The following METAP1D variants were observed in gnomAD, a reference collection of about 807,000 sequenced individuals.
METAP1D encodes methionyl aminopeptidase type 1D, mitochondrial.
A neutral mutation model predicts 40.5 loss-of-function variants in METAP1D; 31 were observed. That is an observed-to-expected ratio of 0.77 (90% CI 0.58 to 1.03). The LOEUF (loss-of-function observed/expected upper bound fraction) is 1.03, where lower values mean the gene tolerates loss of function less well. METAP1D is among the 50% of genes least tolerant of loss of function. The probability of loss-of-function intolerance (pLI) is 0.00; values close to 1 mark genes in which losing one functional copy is unlikely to be tolerated. For missense variants in METAP1D, 411 were observed against 420.7 expected (o/e 0.98, Z 0.20); for synonymous variants, 151 against 146.4 (o/e 1.03, Z -0.22).
At chr2:172,050,444 A>G (rs547258036) in intron 1 of METAP1D, among the ~76,000 whole-genome samples, 1 of 147,130 alleles carries the variant, frequency 6.8e-6, no homozygotes, top group East Asian at 1.9e-4. Context: ...GTTTTTTTTT[A>G]AAAAACTCAT....
At chr2:172,057,916 A>G (rs978037255) in intron 1 of METAP1D, among the ~76,000 whole-genome samples, 1 of 148,000 alleles carries the variant, frequency 6.8e-6, no homozygotes, top group African/African-American at 2.5e-5. Flanking sequence ...TTTCTTTCCC[A>G]TTTTATTTTT....
intron 5 of METAP1D, among the ~76,000 whole-genome samples, chr2:172,067,071 A>T (rs1690301882): frequency 6.6e-6 from 1 of 152,314 alleles, no homozygotes; most frequent in Admixed American, 6.5e-5. Context: ...GACTTGGATT[A>T]TATGTGCTTT....
chr2:172,063,669 G>A (rs1345711914), intron 2 of METAP1D, 42 bp from the exon 3 acceptor site: 7 of 1,482,272 alleles, frequency 4.7e-6, no homozygotes, highest in Non-Finnish European at 5.6e-6. Context: ...CCATTGTCGT[G>A]CGCTGGGTTC....
chr2:172,016,577 C>T (rs1343003048), intron 1 of METAP1D, among the ~76,000 whole-genome samples: 4 of 151,638 alleles, frequency 2.6e-5, no homozygotes, highest in Non-Finnish European at 4.4e-5. Context: ...GCCAGGATGG[C>T]GCCACTGTAC....
chr2:172,078,938 C>T (rs560852460), intron 7 of METAP1D, among the ~76,000 whole-genome samples: 7 of 152,270 alleles, frequency 4.6e-5, no homozygotes, highest in South Asian at 2.1e-4. Context: ...GGAAGCCTGA[C>T]GTGTCTGAAA....
At chr2:172,051,962 C>T (rs1455227337) in intron 1 of METAP1D, among the ~76,000 whole-genome samples, 1 of 152,048 alleles carries the variant, frequency 6.6e-6, no homozygotes, top group Admixed American at 6.6e-5. Context: ...CACACATTTC[C>T]TTTTTATTTC....
chr2:172,013,192 G>C (rs745543042), intron 1 of METAP1D, among the ~76,000 whole-genome samples: 1 of 152,170 alleles, frequency 6.6e-6, no homozygotes, highest in Non-Finnish European at 1.5e-5. Context: ...TTGTGTGTGC[G>C]CTCCGGCTGT....
intron 1 of METAP1D, among the ~76,000 whole-genome samples, chr2:172,057,255 C>T (rs1690024962): frequency 1.3e-5 from 2 of 152,296 alleles, no homozygotes; most frequent in Admixed American, 6.5e-5. Flanking sequence ...TGAGCTTAAT[C>T]TAAGTGTCCA....
At chr2:172,002,292 A>G (rs1412205243) in intron 1 of METAP1D, among the ~76,000 whole-genome samples, 1 of 152,068 alleles carries the variant, frequency 6.6e-6, no homozygotes, top group Non-Finnish European at 1.5e-5. Context: ...GTATTTTTAT[A>G]TGTGTGTATA....
At chr2:172,031,350 G>A (rs760791667) in intron 1 of METAP1D, among the ~76,000 whole-genome samples, 1 of 152,236 alleles carries the variant, frequency 6.6e-6, no homozygotes, top group South Asian at 2.1e-4. Flanking sequence ...AGGGATCTTG[G>A]TGGGAGAGAA....
chr2:172,079,120 C>G, intron 7 of METAP1D, 95 bp from the exon 8 acceptor site: 1 of 1,292,312 alleles, frequency 7.7e-7, no homozygotes. Flanking sequence ...AATAAAACGA[C>G]CAAGTTTTTT....
At chr2:172,066,435 G>A in intron 5 of METAP1D, 129 bp downstream of exon 5, 1 of 703,752 alleles carries the variant, frequency 1.4e-6, no homozygotes, top group Admixed American at 3.2e-5. Context: ...GACGCAAGCA[G>A]CTGGTTTCCT....
chr2:172,058,983 C>T (rs991654767), intron 1 of METAP1D, among the ~76,000 whole-genome samples: 6 of 152,132 alleles, frequency 3.9e-5, no homozygotes, highest in Non-Finnish European at 8.8e-5. Flanking sequence ...TCTCAAGCTT[C>T]GTGTGCGTCA....
rs1355924929 is a variant in METAP1D at position 172,042,918 on chromosome 2, T to C, written c.41-18580T>C. Among the ~76,000 whole-genome samples, 2 of 128,972 alleles carry C rather than the reference T, an allele frequency of 1.6e-5. 1 individual carries two copies. Among genetic ancestry groups the C allele is most frequent in the Non-Finnish European group, 3.6e-5 (2 of 55,278 alleles). 84.6% of individuals were successfully genotyped at this position (128,972 alleles called of 152,430 possible). On this transcript the variant is annotated intron_variant, in intron 1 of 9. Transcript: ENST00000315796. ...ATGTGTATGTGTACATATGTATACA[T>C]ATATGCGTACATGTGTATACACGTA...
intron 1 of METAP1D, among the ~76,000 whole-genome samples, chr2:172,034,019 G>A (rs13394991): frequency 2.0e-5 from 3 of 149,794 alleles, no homozygotes; most frequent in African/African-American, 7.4e-5. Flanking sequence ...GGAGGTTGCG[G>A]CGAGTGGAGA....
chr2:172,032,919 C>T (rs1353370484), intron 1 of METAP1D, among the ~76,000 whole-genome samples: 1 of 151,998 alleles, frequency 6.6e-6, no homozygotes, highest in African/African-American at 2.4e-5. Context: ...ATTAGCTGAG[C>T]CTGGTGGCGG....
Position 172,077,099 on chromosome 2 carries a change from A to T in METAP1D, c.705-698A>T, listed in dbSNP as rs1320801371. 2.0e-5 allele frequency among the ~76,000 whole-genome samples: 3 copies of T among 152,366 alleles called. No individual in the cohort carries two copies. The East Asian group carries it at 5.8e-4, about 29-fold the overall frequency. On this transcript the variant is annotated intron_variant, in intron 6 of 9. Coordinates refer to ENST00000315796, the MANE Select transcript of METAP1D (RefSeq NM_199227.3). ...CATGTAATGAAGTAACTAATGAAGC[A>T]CTAAGAATTGGGAATCACAATACTA...
intron 1 of METAP1D, among the ~76,000 whole-genome samples, chr2:172,005,026 A>T (rs1688546842): frequency 6.6e-6 from 1 of 151,750 alleles, no homozygotes; most frequent in African/African-American, 2.4e-5. Context: ...GGGCTCGACC[A>T]GTCCTCCCAC....
intron 1 of METAP1D, 140 bp downstream of exon 1, chr2:172,000,149 G>GCACACACGATGA: frequency 5.6e-6 from 4 of 708,362 alleles, no homozygotes; most frequent in Non-Finnish European, 8.0e-6. Context: ...ACACACGCAG[G>GCACACACGATGA]CACACACGAT....
Sources: gnomAD v4.1 joint callset for allele counts (sites outside exome capture counted in the v4.1 genomes callset) on GRCh38, gnomAD v4.1.1 for gene constraint, MANE v1.5 for transcripts, NCBI Gene and HGNC (gene_info 2026-07-23, HGNC 2026-07-21) for gene names.